SDHA: variants seen among roughly 807,000 people sequenced by gnomAD.
SDHA encodes the protein succinate dehydrogenase [ubiquinone] flavoprotein subunit, mitochondrial.
In SDHA, 48 loss-of-function variants were observed where a neutral mutation model predicts 78.4. The observed-to-expected ratio is 0.61, with a 90% CI of 0.49 to 0.78. The LOEUF (loss-of-function observed/expected upper bound fraction) is 0.78. Among genes scored for constraint, SDHA ranks in the 30% least tolerant of loss-of-function variants. The pLI is 0.00. For missense variants in SDHA, 680 were observed against 892.7 expected, an observed-to-expected ratio of 0.76 and a Z score of 3.04; for synonymous variants, 326 against 353.9, an observed-to-expected ratio of 0.92 and a Z score of 0.88.
chr5:243,347 G>C (rs1336171559), intron 11 of SDHA, among the ~76,000 whole-genome samples: 3 of 137,264 alleles, frequency 2.2e-5, no homozygotes, highest in African/African-American at 1.0e-4. Flanking sequence ...GCTCTTACTT[G>C]AGCTTGTCTA....
In SDHA at chr5:237,369, C is replaced by G. The variant is rs1247899429; in HGVS notation, c.1432+770C>G. Among the ~76,000 whole-genome samples the G allele has an allele frequency of 3.0e-4, 41 of 134,476 alleles. 2 individuals are homozygous for G. The highest frequency in any genetic ancestry group is 2.9e-4 in the Non-Finnish European group (19 of 66,292). 88.2% of individuals were successfully genotyped at this position (134,476 alleles called of 152,430 possible). A position where few individuals can be genotyped will look rare whatever the true frequency, so the allele number is the denominator to read the frequency against. On this transcript the variant is annotated intron_variant, in intron 10 of 14. Transcript: ENST00000264932. ...CTATTAGAGGAGAAGGGATGACTTA[C>G]AGTGAACAGGATTCCCACCCTTTAC...
Position 235,234 on chromosome 5 carries a change from G to A in SDHA, c.1155G>A (p.Glu385=), listed in dbSNP as rs765356526. 3 of 1,614,038 alleles carry A rather than the reference G, an allele frequency of 1.9e-6. No individual in the cohort carries two copies. The highest frequency in any genetic ancestry group is 2.5e-6 in the Non-Finnish European group (3 of 1,179,904). ...CCACGCGCCTGCCTGGCATTTCAGAGACAGCCATGATCTTCGCTGGCGTGG... is the reference window on the plus strand; with the variant it reads ...CCACGCGCCTGCCTGGCATTTCAGAAACAGCCATGATCTTCGCTGGCGTGG... The part of the protein sequence containing the change: ...QLATRLPGIS[E]TAMIFAGVDV... Residue 385 remains glutamate, a synonymous_variant, in exon 9 of 15, where the codon GAG becomes GAA. Transcript: ENST00000264932.
downstream of SDHA, among the ~76,000 whole-genome samples, chr5:259,837 T>G (rs1285976525): frequency 6.9e-5 from 2 of 29,154 alleles, no homozygotes; most frequent in Non-Finnish European, 1.2e-4. Flanking sequence ...AGCATTACCG[T>G]GTGAGCTCCG....
intron 11 of SDHA, among the ~76,000 whole-genome samples, chr5:248,431 G>A (rs1202327348): frequency 6.6e-6 from 1 of 152,220 alleles, no homozygotes; most frequent in African/African-American, 2.4e-5. Flanking sequence ...TGTGATAGCA[G>A]TGATCACCAT....
intron 11 of SDHA, 85 bp from the exon 12 acceptor site, chr5:250,907 A>C (rs1330129901): frequency 1.7e-6 from 2 of 1,155,520 alleles, no homozygotes; most frequent in Non-Finnish European, 2.6e-6. Context: ...AGTGAAATGC[A>C]AAACAACAGG....
chr5:231,493 G>A (rs1475424616), intron 7 of SDHA, among the ~76,000 whole-genome samples: 1 of 151,220 alleles, frequency 6.6e-6, no homozygotes, highest in Non-Finnish European at 1.5e-5. Context: ...CTGGGAGGCA[G>A]AGGTTGCAGT....
chr5:263,816 T>C, the SDHA span, among the ~76,000 whole-genome samples: 1 of 151,944 alleles, frequency 6.6e-6, no homozygotes, highest in Non-Finnish European at 1.5e-5. Context: ...CTAACAAAAG[T>C]ATGTGGCATT....
downstream of SDHA, among the ~76,000 whole-genome samples, chr5:257,937 C>T (rs1276047701): frequency 3.7e-5 from 1 of 26,864 alleles, no homozygotes; most frequent in East Asian, 4.4e-4. Flanking sequence ...TAGAGCATTA[C>T]TGTGTGAGCT....
intron 10 of SDHA, among the ~76,000 whole-genome samples, chr5:239,374 A>G (rs918596079): frequency 6.6e-6 from 1 of 152,088 alleles, no homozygotes; most frequent in Non-Finnish European, 1.5e-5. Context: ...ACTGGCCAAC[A>G]TGGTGAAACC....
intron 11 of SDHA, among the ~76,000 whole-genome samples, chr5:242,399 C>A (rs13356384): frequency 0.24 from 36,465 of 151,972 alleles, 6,760 homozygotes; most frequent in African/African-American, 0.52. Context: ...GCGATCTGTG[C>A]CTTAAGGACA....
chr5:224,721 C>T (rs1187061600), intron 3 of SDHA, 200 bp downstream of exon 3: 9 of 614,910 alleles, frequency 1.5e-5, no homozygotes, highest in Non-Finnish European at 2.3e-5. Flanking sequence ...GACTTGTTGT[C>T]ACTCCTAATT....
intron 11 of SDHA, among the ~76,000 whole-genome samples, chr5:245,370 CTG>C (rs1035367215): frequency 2.0e-5 from 3 of 152,294 alleles, no homozygotes; most frequent in South Asian, 2.1e-4. Flanking sequence ...CTGAGCAAGA[CTG>C]TGAACGGTTT....
Position 230,994 on chromosome 5 carries a change from C to T in SDHA, c.889C>T (p.Pro297Ser), listed in dbSNP as rs1224049075. The change falls in exon 7 of 15, where the codon CCT becomes TCT. Residue 297 changes from proline to serine, a missense_variant. Coordinates refer to ENST00000264932, the MANE Select transcript of SDHA (RefSeq NM_004168.4). ...CQDLEFVQFH[P>S]TGIYGAGCLI... ...GGACCTAGAGTTTGTTCAGTTCCAC[C>T]CTACAGGTAGGGCAGGACGCCTTGC... 3.1e-6 allele frequency: 5 copies of T among 1,613,940 alleles called. No individual in the cohort carries two copies. Among genetic ancestry groups the T allele is most frequent in the Non-Finnish European group, 2.5e-6 (3 of 1,179,846 alleles).
rs759611800 is a variant in SDHA at position 223,586 on chromosome 5, G to T, written c.150+18G>T. 3 of 1,595,266 alleles carry T rather than the reference G, an allele frequency of 1.9e-6. No individual in the cohort carries two copies. The highest frequency in any genetic ancestry group is 4.5e-5 in the East Asian group (2 of 44,770). On this transcript the variant is annotated intron_variant, in intron 2 of 14. Coordinates refer to ENST00000264932, the MANE Select transcript of SDHA (RefSeq NM_004168.4). ...CAGATTCCGTAAGTTCATGCTTTTT[G>T]TTCCATTATAAATGATTTTTTTGGC...
the SDHA span, among the ~76,000 whole-genome samples, chr5:262,961 A>G: frequency 2.0e-5 from 3 of 152,146 alleles, no homozygotes; most frequent in Non-Finnish European, 2.9e-5. Context: ...CTTGGTAGAG[A>G]CAGAGTCTTG....
At chr5:227,830 C>G (rs1325418963) in intron 5 of SDHA, 7 of 352,570 alleles carry the variant, frequency 2.0e-5, no homozygotes, top group Non-Finnish European at 3.8e-5. Context: ...TAGCTCCCAT[C>G]TGGGCTGTGA....
At chr5:257,632 T>G (rs1165341404), downstream of SDHA, among the ~76,000 whole-genome samples, 2 of 116,456 alleles carry the variant, frequency 1.7e-5, no homozygotes, top group Non-Finnish European at 3.3e-5. Context: ...CATTACTGGG[T>G]GAGCTCCACC....
chr5:220,231 A>G, intron 1 of SDHA: 1 of 414,224 alleles, frequency 2.4e-6, no homozygotes, highest in South Asian at 1.7e-5. Context: ...GTTTCTTTTT[A>G]TGGCCCAGTG....
downstream of SDHA, among the ~76,000 whole-genome samples, chr5:259,946 T>A (rs1431960701): frequency 1.0e-4 from 4 of 39,792 alleles, no homozygotes; most frequent in Non-Finnish European, 1.3e-4. Context: ...GAGCTCCGCC[T>A]CCCGCCAGAG....
Sources: allele counts gnomAD v4.1 joint callset (sites outside exome capture counted in the v4.1 genomes callset), GRCh38; gene constraint gnomAD v4.1.1; transcripts MANE v1.5; gene names NCBI Gene and HGNC (gene_info 2026-07-23, HGNC 2026-07-21).